The following RAD54L2 variants were observed in gnomAD, a reference collection of about 807,000 sequenced individuals.
RAD54L2 encodes the protein helicase ARIP4.
A neutral mutation model predicts 138.4 loss-of-function variants in RAD54L2; 27 were observed. The ratio of observed to expected loss-of-function variants is 0.20; its 90% CI spans 0.14 to 0.27. RAD54L2 has a LOEUF of 0.27. RAD54L2 is among the 10% of genes least tolerant of loss of function. The pLI is 1.00. For missense variants in RAD54L2, 1,396 were observed against 1,890.2 expected (o/e 0.74, Z 4.85); for synonymous variants, 644 against 723.2 (o/e 0.89, Z 1.76).
intron 2 of RAD54L2, among the ~76,000 whole-genome samples, chr3:51,580,457 C>G (rs1445526941): frequency 6.6e-6 from 1 of 152,126 alleles, no homozygotes; most frequent in Non-Finnish European, 1.5e-5. Context: ...CACAACCCTA[C>G]TTCTTAGAGT....
chr3:51,575,849 T>C (rs1299850047), intron 2 of RAD54L2, among the ~76,000 whole-genome samples: 2 of 152,226 alleles, frequency 1.3e-5, no homozygotes, highest in African/African-American at 4.8e-5. Flanking sequence ...TTCTTTCTCC[T>C]GCCTGATTGC....
At chr3:51,659,950 C>T (rs146618237) in intron 21 of RAD54L2, 76 bp from the exon 22 acceptor site, 28 of 1,105,030 alleles carry the variant, frequency 2.5e-5, no homozygotes, top group African/African-American at 1.2e-4. Context: ...AAGCCCACGG[C>T]GCACAGCCTG....
intron 2 of RAD54L2, among the ~76,000 whole-genome samples, chr3:51,557,374 G>T (rs543090768): frequency 1.3e-5 from 2 of 151,716 alleles, no homozygotes; most frequent in South Asian, 2.1e-4. Flanking sequence ...TAGAGATGGG[G>T]TCTCACCACA....
At chr3:51,646,586 G>T in intron 19 of RAD54L2, 105 bp downstream of exon 19, 2 of 1,171,260 alleles carry the variant, frequency 1.7e-6, no homozygotes, top group Non-Finnish European at 2.4e-6. Context: ...TTCCTTGACT[G>T]CTGTGAATTG....
chr3:51,648,976 T>A (rs1169118754), intron 19 of RAD54L2, among the ~76,000 whole-genome samples: 1 of 152,102 alleles, frequency 6.6e-6, no homozygotes, highest in Admixed American at 6.5e-5. Flanking sequence ...AGAAGCAGGC[T>A]TCTGAAGGTC....
chr3:51,570,200 G>A (rs182893794), intron 2 of RAD54L2, among the ~76,000 whole-genome samples: 412 of 142,276 alleles, frequency 2.9e-3, no homozygotes, highest in Non-Finnish European at 4.5e-3. Context: ...CTGGAGTGCA[G>A]TGGCGCGATC....
intron 3 of RAD54L2, among the ~76,000 whole-genome samples, chr3:51,601,238 T>G (rs1700073023): frequency 6.6e-6 from 1 of 151,802 alleles, no homozygotes; most frequent in Admixed American, 6.6e-5. Flanking sequence ...GGTCTTGAAC[T>G]CCTGACCTTG....
intron 7 of RAD54L2, among the ~76,000 whole-genome samples, chr3:51,631,364 C>A (rs963299818): frequency 1.3e-5 from 2 of 150,662 alleles, no homozygotes; most frequent in Non-Finnish European, 2.9e-5. Context: ...GGAACCAGGA[C>A]TAGTGAGTAG....
intron 15 of RAD54L2, among the ~76,000 whole-genome samples, chr3:51,642,954 T>TA (rs1394594884): frequency 2.6e-5 from 4 of 152,114 alleles, no homozygotes; most frequent in African/African-American, 9.7e-5. Context: ...TTCCATGTGG[T>TA]ATTTCATGCC....
At chr3:51,624,914 A>G (rs1204444327) in intron 3 of RAD54L2, among the ~76,000 whole-genome samples, 1 of 152,188 alleles carries the variant, frequency 6.6e-6, no homozygotes, top group Admixed American at 6.5e-5. Flanking sequence ...AGTGAGTGGT[A>G]AGACAGCCCA....
At chr3:51,564,448 A>G (rs1485495660) in intron 2 of RAD54L2, among the ~76,000 whole-genome samples, 1 of 152,246 alleles carries the variant, frequency 6.6e-6, no homozygotes, top group African/African-American at 2.4e-5. Context: ...TTTGTTATCT[A>G]CATGTAAACA....
intron 2 of RAD54L2, among the ~76,000 whole-genome samples, chr3:51,577,236 A>G (rs1198568193): frequency 1.3e-5 from 2 of 152,162 alleles, no homozygotes; most frequent in African/African-American, 4.8e-5. Flanking sequence ...CTGTTCGTTT[A>G]CATTTGCTGA....
In RAD54L2 at chr3:51,667,937, C is replaced by G. The variant is rs1701945182; in HGVS notation, c.*4517C>G. The G allele has an allele frequency of 6.6e-6, 1 of 152,194 alleles. No individual in the cohort carries two copies. Among genetic ancestry groups the G allele is most frequent in the African/African-American group, 2.4e-5 (1 of 41,416 alleles). 9.4% of individuals were successfully genotyped at this position (152,194 alleles called of 1,614,324 possible). On this transcript the variant is annotated 3_prime_UTR_variant, in exon 23 of 23. Coordinates refer to ENST00000684192, the MANE Select transcript of RAD54L2 (RefSeq NM_015106.4). ...GGGGTAGCCAAGCAGGCTGCAGTGTCTGCAATGCAGAGGGCTTGGGGAGGT... is the reference window on the plus strand; with the variant it reads ...GGGGTAGCCAAGCAGGCTGCAGTGTGTGCAATGCAGAGGGCTTGGGGAGGT...
intron 2 of RAD54L2, among the ~76,000 whole-genome samples, chr3:51,580,520 C>T (rs896409512): frequency 4.6e-5 from 7 of 152,116 alleles, no homozygotes; most frequent in South Asian, 4.1e-4. Context: ...ATTCTAGGGA[C>T]GGGGTCTTTC....
chr3:51,561,539 C>T (rs936037937), intron 2 of RAD54L2, among the ~76,000 whole-genome samples: 2 of 151,972 alleles, frequency 1.3e-5, no homozygotes, highest in Non-Finnish European at 2.9e-5. Context: ...GCCACCACGC[C>T]CGGCCGAAAT....
At chr3:51,566,279 A>G (rs1559619111) in intron 2 of RAD54L2, among the ~76,000 whole-genome samples, 1 of 152,066 alleles carries the variant, frequency 6.6e-6, no homozygotes, top group African/African-American at 2.4e-5. Flanking sequence ...TGTTGAGAGA[A>G]ACACTGACTG....
Position 51,638,100 on chromosome 3 carries a change from C to G in RAD54L2, c.1683-44C>G. The stretch of plus-strand genomic sequence containing the variant: ...TGTTTTTATCTTGTGCTGACCCCTC[C>G]TGGCCACACTACCTTGCCGTTTCTG... On this transcript the variant is annotated intron_variant, in intron 11 of 22. Coordinates refer to ENST00000684192, the MANE Select transcript of RAD54L2 (RefSeq NM_015106.4). This position sits in a 1 kb window ranked among gnomAD's most constrained non-coding sequence, Gnocchi z 4.3. 1 of 1,596,294 alleles carries G rather than the reference C, an allele frequency of 6.3e-7. No individual in the cohort carries two copies. Among genetic ancestry groups the G allele is most frequent in the Non-Finnish European group, 8.6e-7 (1 of 1,166,190 alleles).
intron 2 of RAD54L2, among the ~76,000 whole-genome samples, chr3:51,554,223 C>T (rs546645854): frequency 2.6e-4 from 40 of 152,048 alleles, no homozygotes; most frequent in South Asian, 1.5e-3. Flanking sequence ...AAAAATTAGC[C>T]GGGTGTGGTG....
intron 3 of RAD54L2, among the ~76,000 whole-genome samples, chr3:51,622,103 C>T (rs905505120): frequency 1.4e-4 from 21 of 152,170 alleles, no homozygotes; most frequent in Non-Finnish European, 2.8e-4. Flanking sequence ...CAGGGAATTG[C>T]TGAACTTGCT....
Sources: allele counts gnomAD v4.1 joint callset (sites outside exome capture counted in the v4.1 genomes callset), GRCh38; gene constraint gnomAD v4.1.1; non-coding constraint Gnocchi (gnomAD v3.1); transcripts MANE v1.5; gene names NCBI Gene and HGNC (gene_info 2026-07-23, HGNC 2026-07-21).